CDH4: variants seen among roughly 807,000 people sequenced by gnomAD.
The protein encoded by CDH4 is cadherin-4.
In CDH4, 33 loss-of-function variants were observed where a neutral mutation model predicts 86.0. The observed-to-expected ratio is 0.38, with a 90% confidence interval of 0.29 to 0.51. CDH4 has a LOEUF of 0.51. CDH4 is among the 20% of genes least tolerant of loss of function. The pLI, the probability that CDH4 is intolerant of heterozygous loss-of-function variation, is 0.86. For missense variants in CDH4, 1,114 were observed against 1,307.4 expected, an observed-to-expected ratio of 0.85 and a Z score of 2.28; for synonymous variants, 555 against 549.4, an observed-to-expected ratio of 1.01 and a Z score of -0.14.
chr20:61,435,182 T>C (rs1005207692), intron 2 of CDH4, among the ~76,000 whole-genome samples: 1 of 152,180 alleles, frequency 6.6e-6, no homozygotes, highest in Non-Finnish European at 1.5e-5. Flanking sequence ...TGACAATGGG[T>C]TCCGTAGTAA....
At chr20:61,716,770 G>A (rs938690579) in intron 2 of CDH4, among the ~76,000 whole-genome samples, 4 of 152,236 alleles carry the variant, frequency 2.6e-5, no homozygotes, top group African/African-American at 7.2e-5. Flanking sequence ...TTAGCTAGGT[G>A]TTTGGTGGGT....
At chr20:61,345,010 G>T (rs1235075131) in intron 2 of CDH4, among the ~76,000 whole-genome samples, 1 of 152,196 alleles carries the variant, frequency 6.6e-6, no homozygotes, top group Non-Finnish European at 1.5e-5. Flanking sequence ...TCAGGTAAAA[G>T]GTCAAGTCCA....
rs1423011572 is a variant in CDH4 at position 61,392,039 on chromosome 20, C to G, written c.169+137102C>G. On this transcript the variant is annotated intron_variant, in intron 2 of 15. Coordinates refer to ENST00000614565, the MANE Select transcript of CDH4 (RefSeq NM_001794.5). The surrounding 1 kb of genome is among the most constrained non-coding windows in gnomAD (Gnocchi z 5.7). ...AGGGGAGAGCTGGCTACTTCTCAAC[C>G]CTTCCCCCGCCTCGCTTGCCGTGGG... Among the ~76,000 whole-genome samples the G allele has an allele frequency of 6.6e-6, 1 of 152,036 alleles. No homozygotes were observed. The highest frequency in any genetic ancestry group is 1.5e-5 in the Non-Finnish European group (1 of 68,014).
chr20:61,547,504 G>A (rs368148597), intron 2 of CDH4, among the ~76,000 whole-genome samples: 3 of 151,162 alleles, frequency 2.0e-5, no homozygotes, highest in South Asian at 4.2e-4. Flanking sequence ...ATGAGCCACC[G>A]TGCCCAGCCC....
At chr20:61,498,131 C>A (rs1224489281) in intron 2 of CDH4, among the ~76,000 whole-genome samples, 1 of 151,528 alleles carries the variant, frequency 6.6e-6, no homozygotes, top group Non-Finnish European at 1.5e-5. Flanking sequence ...GGGTGCAGCA[C>A]ACCAACATGG....
chr20:61,631,352 T>C (rs779618779), intron 2 of CDH4, among the ~76,000 whole-genome samples: 4 of 152,142 alleles, frequency 2.6e-5, no homozygotes, highest in Admixed American at 2.0e-4. Context: ...TGTTTAAAAG[T>C]GGGGCCATGG....
At chr20:61,334,252 A>G (rs1467139520) in intron 2 of CDH4, among the ~76,000 whole-genome samples, 2 of 152,234 alleles carry the variant, frequency 1.3e-5, no homozygotes, top group African/African-American at 4.8e-5. Flanking sequence ...AATGAGGCTC[A>G]TGGAGTACTT....
intron 2 of CDH4, among the ~76,000 whole-genome samples, chr20:61,528,620 A>G (rs1488926874): frequency 6.6e-6 from 1 of 152,082 alleles, no homozygotes; most frequent in Non-Finnish European, 1.5e-5. Context: ...AAGAAAAGGA[A>G]AGAAGAGAAG....
At chr20:61,407,520 C>T (rs2085091022) in intron 2 of CDH4, among the ~76,000 whole-genome samples, 1 of 152,190 alleles carries the variant, frequency 6.6e-6, no homozygotes, top group Admixed American at 6.5e-5. Context: ...ATGGCTACAA[C>T]CACTTTAGAA....
chr20:61,257,259 C>T (rs1009200045), intron 2 of CDH4, among the ~76,000 whole-genome samples: 30 of 152,204 alleles, frequency 2.0e-4, no homozygotes, highest in African/African-American at 7.2e-4. Flanking sequence ...CAGCCCCAAA[C>T]ATACAGATTC....
intron 8 of CDH4, among the ~76,000 whole-genome samples, chr20:61,900,604 G>A (rs1985350558): frequency 6.6e-6 from 1 of 152,234 alleles, no homozygotes; most frequent in Non-Finnish European, 1.5e-5. Flanking sequence ...ACAAGCCCAA[G>A]GCAGAGACAC....
chr20:61,495,393 C>T (rs1271667085), intron 2 of CDH4, among the ~76,000 whole-genome samples: 1 of 152,118 alleles, frequency 6.6e-6, no homozygotes, highest in Non-Finnish European at 1.5e-5. Context: ...TGGAACCCCT[C>T]CCCCCGCCGC....
At chr20:61,785,709 A>T (rs1978846302) in intron 4 of CDH4, among the ~76,000 whole-genome samples, 1 of 152,202 alleles carries the variant, frequency 6.6e-6, no homozygotes, top group African/African-American at 2.4e-5. Context: ...GACCTTGCCC[A>T]GGTGGACAGG....
intron 2 of CDH4, among the ~76,000 whole-genome samples, chr20:61,395,608 C>T (rs1311884450): frequency 6.6e-6 from 1 of 151,940 alleles, no homozygotes; most frequent in Non-Finnish European, 1.5e-5. Context: ...GGTGAGACCC[C>T]ATCTCTACAA....
At chr20:61,462,293 A>G (rs1429041858) in intron 2 of CDH4, among the ~76,000 whole-genome samples, 1 of 152,222 alleles carries the variant, frequency 6.6e-6, no homozygotes, top group African/African-American at 2.4e-5. Flanking sequence ...TTTCAGTGGT[A>G]CAAACCCAAT....
At position 61,441,623 on chromosome 20, in the gene CDH4, CT is replaced by C. The variant is rs1198365732; in HGVS notation, c.169+186689del. ...CTGCCCTCAGGAATGGGATTAGAGC[CT>C]TTATAAAAGGGACTCCAGAGAGCTG... On this transcript the variant is annotated intron_variant, in intron 2 of 15. Transcript: ENST00000614565. Among the ~76,000 whole-genome samples, 3 of 152,282 alleles carry C rather than the reference CT, an allele frequency of 2.0e-5. No individual in the cohort carries two copies. The East Asian group carries it at 5.8e-4, about 29-fold the overall frequency.
chr20:61,426,099 GGT>G (rs1259275981), intron 2 of CDH4, among the ~76,000 whole-genome samples: 3 of 152,302 alleles, frequency 2.0e-5, no homozygotes, highest in South Asian at 4.1e-4. Flanking sequence ...TATATTAAGA[GGT>G]ATTAATTTTA....
chr20:61,275,638 G>T (rs1421527472), intron 2 of CDH4, among the ~76,000 whole-genome samples: 1 of 123,468 alleles, frequency 8.1e-6, no homozygotes, highest in African/African-American at 3.2e-5. Flanking sequence ...AGTACCATGC[G>T]CAGTTTGGGA....
chr20:61,861,015 A>T (rs1983298006), intron 6 of CDH4, among the ~76,000 whole-genome samples: 1 of 152,080 alleles, frequency 6.6e-6, no homozygotes, highest in African/African-American at 2.4e-5. Context: ...TTTGAACTGG[A>T]CCTTTTGAGA....
Sources: allele counts gnomAD v4.1 joint callset (sites outside exome capture counted in the v4.1 genomes callset), GRCh38; gene constraint gnomAD v4.1.1; non-coding constraint Gnocchi (gnomAD v3.1); transcripts MANE v1.5; gene names NCBI Gene and HGNC (gene_info 2026-07-23, HGNC 2026-07-21).